Variants in OSMR observed in about 807,000 individuals in gnomAD.
OSMR encodes oncostatin-M-specific receptor subunit beta.
OSMR carries 81 observed loss-of-function variants against 99.9 expected under a neutral mutation model. The ratio of observed to expected loss-of-function variants is 0.81; its 90% confidence interval spans 0.68 to 0.97. OSMR has a LOEUF of 0.97. Among genes scored for constraint, OSMR ranks in the 50% least tolerant of loss-of-function variants. The pLI is 0.00. For synonymous variants in OSMR, 406 were observed against 410.4 expected, an observed-to-expected ratio of 0.99 and a Z score of 0.13; for missense variants, 1,099 against 1,153.4, an observed-to-expected ratio of 0.95 and a Z score of 0.68.
intron 7 of OSMR, among the ~76,000 whole-genome samples, chr5:38,902,346 C>G (rs1011989510): frequency 2.6e-5 from 4 of 152,180 alleles, no homozygotes; most frequent in Non-Finnish European, 5.9e-5. Context: ...AATGCCAATG[C>G]CTATGATGCA....
Position 38,881,768 on chromosome 5 carries a change from A to C in OSMR, c.418+4A>C, listed in dbSNP as rs2112364983. On this transcript the variant is annotated splice_donor_region_variant and intron_variant, in intron 4 of 17. Coordinates refer to ENST00000274276, the MANE Select transcript of OSMR (RefSeq NM_003999.3). ...AGTTCCTGGGAGGAAGTCAGTGGTAAGAAGTGAGGTGGTTACAAGAGTGAA... is the reference window on the plus strand; with the variant it reads ...AGTTCCTGGGAGGAAGTCAGTGGTACGAAGTGAGGTGGTTACAAGAGTGAA... 6.2e-7 allele frequency: 1 copy of C among 1,612,922 alleles called. No individual in the cohort carries two copies. Among genetic ancestry groups the C allele is most frequent in the South Asian group, 1.1e-5 (1 of 91,066 alleles).
At chr5:38,919,537 T>A in intron 11 of OSMR, 1 of 345,108 alleles carries the variant, frequency 2.9e-6, no homozygotes, top group Non-Finnish European at 5.4e-6. Context: ...CTTTGTAGAA[T>A]AAAAGATAAT....
chr5:38,876,397 A>G (rs1386885443), intron 3 of OSMR, 24 bp downstream of exon 3: 4 of 1,596,558 alleles, frequency 2.5e-6, no homozygotes, highest in Non-Finnish European at 3.4e-6. Flanking sequence ...TTGGCTCAAT[A>G]TTTAAAAAAT....
chr5:38,923,233 ACAGGATACTCT>A lies in OSMR; in HGVS notation c.1855_1865del (p.Tyr619ThrfsTer29). 6.2e-7 allele frequency: 1 copy of A among 1,602,698 alleles called. No individual in the cohort carries two copies. Among genetic ancestry groups the A allele is most frequent in the Non-Finnish European group, 8.5e-7 (1 of 1,169,708 alleles). On this transcript the variant is annotated frameshift_variant, in exon 13 of 18. Transcript: ENST00000274276. LOFTEE classifies it high-confidence loss of function. ...GATTGCTTGTTTATTAGAGAAAAAA[ACAGGATACTCT>A]CAGGAACTTGGTAAGTTTAAAGCAT... is the stretch of plus-strand genomic sequence containing the variant.
chr5:38,925,654 C>G (rs1370572730), intron 15 of OSMR, among the ~76,000 whole-genome samples: 1 of 152,200 alleles, frequency 6.6e-6, no homozygotes, highest in Non-Finnish European at 1.5e-5. Context: ...CTCTGGAACT[C>G]AGTCTCACAA....
rs781618196 is a variant in OSMR, at chr5:38,921,630, A to C, written c.1601A>C (p.Glu534Ala). The C allele has an allele frequency of 1.2e-6, 2 of 1,614,224 alleles. No homozygotes were observed. The highest frequency in any genetic ancestry group is 1.1e-5 in the South Asian group (1 of 91,088). Residue 534 changes from glutamate (E) to alanine (A), a missense_variant, in exon 12 of 18, where the codon GAA becomes GCA. Transcript: ENST00000274276. ...ADPENKEVEE[E>A]RIAGTEGGFS... ...TTATATACAGAAGAGGTTGAGGAAG[A>C]AAGAATTGCAGGCACAGAGGGTGGA...
At chr5:38,902,702 A>G (rs1025299076) in intron 7 of OSMR, among the ~76,000 whole-genome samples, 16 of 152,128 alleles carry the variant, frequency 1.1e-4, no homozygotes, top group African/African-American at 3.6e-4. Context: ...TTGAGAGCTT[A>G]CTGCTTATGT....
chr5:38,874,907 T>C (rs934189210), intron 2 of OSMR, among the ~76,000 whole-genome samples: 2 of 152,362 alleles, frequency 1.3e-5, no homozygotes, highest in Non-Finnish European at 2.9e-5. Flanking sequence ...CTGTGCATGG[T>C]AAATAACATG....
At chr5:38,944,453 G>A in intron 2 of OSMR, 3 of 1,601,842 alleles carry the variant, frequency 1.9e-6, no homozygotes, top group Non-Finnish European at 2.5e-6. Context: ...CACGTTAAAA[G>A]CCCAGTCTCA....
chr5:38,916,558 C>T (rs1262063261), intron 9 of OSMR, among the ~76,000 whole-genome samples: 1 of 152,026 alleles, frequency 6.6e-6, no homozygotes, highest in Non-Finnish European at 1.5e-5. Flanking sequence ...ATCTAGTAAC[C>T]CCTCTATAAA....
intron 3 of OSMR, among the ~76,000 whole-genome samples, chr5:38,880,179 G>T (rs1743167729): frequency 6.6e-6 from 1 of 152,198 alleles, no homozygotes; most frequent in African/African-American, 2.4e-5. Flanking sequence ...TTTCAAGTTT[G>T]TGACCTGAAT....
In OSMR at chr5:38,885,503, C is replaced by T; in HGVS notation, c.839+19C>T. On this transcript the variant is annotated intron_variant, in intron 6 of 17. Transcript: ENST00000274276. ...TTGAATCGTAAGTTGGCTCTGGTTA[C>T]ATTATTGACAACTTCTTCCTTGCTT... 1 of 1,613,828 alleles carries T rather than the reference C, an allele frequency of 6.2e-7. No homozygotes were observed. The highest frequency in any genetic ancestry group is 1.3e-5 in the African/African-American group (1 of 75,014).
At chr5:38,896,001 C>T (rs1475582478) in intron 7 of OSMR, among the ~76,000 whole-genome samples, 1 of 151,732 alleles carries the variant, frequency 6.6e-6, no homozygotes, top group African/African-American at 2.4e-5. Flanking sequence ...GTCTGTTCTA[C>T]TGGTCTATGT....
chr5:38,894,795 T>A (rs549821716), intron 7 of OSMR, among the ~76,000 whole-genome samples: 1 of 152,038 alleles, frequency 6.6e-6, no homozygotes, highest in Admixed American at 6.5e-5. Context: ...CAGCATTAGA[T>A]CATCGAGGGA....
intron 7 of OSMR, among the ~76,000 whole-genome samples, chr5:38,900,260 G>C (rs942048005): frequency 4.6e-5 from 7 of 152,140 alleles, no homozygotes; most frequent in African/African-American, 1.7e-4. Flanking sequence ...AGTGCACAGA[G>C]GTTCTGTCCA....
At chr5:38,892,125 G>A (rs1744200306) in intron 7 of OSMR, among the ~76,000 whole-genome samples, 2 of 152,176 alleles carry the variant, frequency 1.3e-5, no homozygotes, top group African/African-American at 2.4e-5. Context: ...TCAGTTGGAT[G>A]GGAGGAAGCA....
intron 9 of OSMR, among the ~76,000 whole-genome samples, chr5:38,911,140 C>A (rs1020543013): frequency 2.6e-5 from 4 of 152,114 alleles, no homozygotes; most frequent in Non-Finnish European, 5.9e-5. Flanking sequence ...TACAAAAGAT[C>A]AACGAATCCA....
In OSMR at chr5:38,944,395, G is replaced by A. The variant is rs191931719; in HGVS notation, c.*86+76G>A. The stretch of plus-strand genomic sequence containing the variant: ...TGAAGTATTTCAAGTATCTTTTCTC[G>A]ACTTAAAAAACAGAATAAACAAATA... On this transcript the variant is annotated intron_variant and NMD_transcript_variant, in intron 2 of 2. Coordinates refer to the OSMR transcript ENST00000508882. 102 of 1,554,502 alleles carry A rather than the reference G, an allele frequency of 6.6e-5. 1 individual carries two copies. The East Asian group carries it at 2.1e-3, about 32-fold the overall frequency.
At chr5:38,882,366 G>A (rs2112371742) in intron 4 of OSMR, among the ~76,000 whole-genome samples, 1 of 152,328 alleles carries the variant, frequency 6.6e-6, no homozygotes, top group Non-Finnish European at 1.5e-5. Context: ...CTTGAGGTCA[G>A]GAGTTCAAGA....
Sources: allele counts gnomAD v4.1 joint callset (sites outside exome capture counted in the v4.1 genomes callset), GRCh38; gene constraint gnomAD v4.1.1; transcripts MANE v1.5; gene names NCBI Gene and HGNC (gene_info 2026-07-23, HGNC 2026-07-21).